The following HEMK2 variants were observed in gnomAD, a reference collection of about 807,000 sequenced individuals.
The protein encoded by HEMK2 is methyltransferase HEMK2.
the HEMK2 span, among the ~76,000 whole-genome samples, chr21:28,630,984 T>A: frequency 1.3e-5 from 2 of 152,162 alleles, no homozygotes; most frequent in Non-Finnish European, 2.9e-5. Flanking sequence ...CAGTTTTTTA[T>A]GTAGGTTTAA....
At chr21:28,606,288 A>AAAG in the HEMK2 span, among the ~76,000 whole-genome samples, 1 of 152,204 alleles carries the variant, frequency 6.6e-6, no homozygotes, top group Non-Finnish European at 1.5e-5. Flanking sequence ...TAGTTCTCTA[A>AAAG]GTTACCAAAA....
chr21:28,881,538 A>G, the HEMK2 span, among the ~76,000 whole-genome samples: 3 of 152,186 alleles, frequency 2.0e-5, no homozygotes, highest in African/African-American at 7.2e-5. Context: ...GCCTAGGAAT[A>G]GAGCCACCAG....
At chr21:28,610,117 T>A in the HEMK2 span, among the ~76,000 whole-genome samples, 4 of 152,256 alleles carry the variant, frequency 2.6e-5, no homozygotes, top group South Asian at 8.3e-4. Flanking sequence ...AGGTTGTTTA[T>A]AGTCACGACA....
the HEMK2 span, among the ~76,000 whole-genome samples, chr21:28,831,654 A>AGAAGGAAG: frequency 4.3e-4 from 17 of 39,914 alleles, no homozygotes; most frequent in Non-Finnish European, 5.5e-4. Flanking sequence ...AAAGAAAGAA[A>AGAAGGAAG]GAAAGAAAGA....
At chr21:28,758,053 G>T in the HEMK2 span, among the ~76,000 whole-genome samples, 1 of 152,154 alleles carries the variant, frequency 6.6e-6, no homozygotes, top group African/African-American at 2.4e-5. Context: ...AGGGGCAGAG[G>T]ATGTATAACG....
chr21:28,656,951 T>C, the HEMK2 span, among the ~76,000 whole-genome samples: 1 of 152,244 alleles, frequency 6.6e-6, no homozygotes, highest in East Asian at 1.9e-4. Context: ...ACATTTACAA[T>C]AATATTTGTG....
At chr21:28,838,972 A>AAAAAAATATATAT in the HEMK2 span, among the ~76,000 whole-genome samples, 6 of 29,148 alleles carry the variant, frequency 2.1e-4, no homozygotes, top group Non-Finnish European at 3.4e-4. Flanking sequence ...AAAAAAAAAA[A>AAAAAAATATATAT]ATATATATAT....
At chr21:28,856,850 G>T in the HEMK2 span, among the ~76,000 whole-genome samples, 2 of 152,230 alleles carry the variant, frequency 1.3e-5, no homozygotes, top group Admixed American at 1.3e-4. Flanking sequence ...GCACTGAGCT[G>T]TGCGGACTCC....
the HEMK2 span, among the ~76,000 whole-genome samples, chr21:28,696,985 A>G: frequency 0.56 from 85,348 of 152,048 alleles, 26,853 homozygotes; most frequent in East Asian, 0.84. Context: ...ACAGCAGGGG[A>G]GCCCTGGACC....
chr21:28,621,459 G>A, the HEMK2 span, among the ~76,000 whole-genome samples: 17 of 152,244 alleles, frequency 1.1e-4, no homozygotes, highest in East Asian at 1.9e-4. Context: ...CAGTTATCTC[G>A]TCTTGTTGCT....
At chr21:28,869,326 A>G in the HEMK2 span, among the ~76,000 whole-genome samples, 1 of 152,162 alleles carries the variant, frequency 6.6e-6, no homozygotes, top group East Asian at 1.9e-4. Context: ...ACTTGGTCAC[A>G]GTGTATCATC....
At chr21:28,876,317 G>C in the HEMK2 span, 13 of 1,081,038 alleles carry the variant, frequency 1.2e-5, no homozygotes, top group African/African-American at 1.6e-5. Flanking sequence ...GTTACCTAAT[G>C]AATGACTTCA....
the HEMK2 span, among the ~76,000 whole-genome samples, chr21:28,696,759 C>A: frequency 6.6e-6 from 1 of 152,250 alleles, no homozygotes; most frequent in South Asian, 2.1e-4. Flanking sequence ...ACCTAGACAT[C>A]CAGGAATTTC....
the HEMK2 span, among the ~76,000 whole-genome samples, chr21:28,822,890 C>G: frequency 6.6e-6 from 1 of 152,014 alleles, no homozygotes; most frequent in African/African-American, 2.4e-5. Flanking sequence ...TTCCATTCAC[C>G]CCTTCTAATG....
the HEMK2 span, among the ~76,000 whole-genome samples, chr21:28,773,585 GTAC>G: frequency 6.6e-6 from 1 of 152,158 alleles, no homozygotes; most frequent in Non-Finnish European, 1.5e-5. Flanking sequence ...AGAGAAACAG[GTAC>G]TCTCCTAGTA....
the HEMK2 span, among the ~76,000 whole-genome samples, chr21:28,647,321 T>TAAAAAAAAAAAAAAAAA: frequency 2.2e-5 from 1 of 46,442 alleles, no homozygotes; most frequent in Non-Finnish European, 3.8e-5. Flanking sequence ...CCATCTCTAC[T>TAAAAAAAAAAAAAAAAA]AAAAAAAAAA....
At chr21:28,644,105 G>T in the HEMK2 span, among the ~76,000 whole-genome samples, 1 of 152,120 alleles carries the variant, frequency 6.6e-6, no homozygotes, top group Non-Finnish European at 1.5e-5. Context: ...CCCAAGACTG[G>T]GTAATTTATA....
the HEMK2 span, among the ~76,000 whole-genome samples, chr21:28,772,735 C>A: frequency 6.6e-6 from 1 of 152,158 alleles, no homozygotes; most frequent in Non-Finnish European, 1.5e-5. Context: ...TTAATCTGTT[C>A]CTGACTCCCA....
chr21:28,795,495 G>T, the HEMK2 span, among the ~76,000 whole-genome samples: 2 of 152,188 alleles, frequency 1.3e-5, no homozygotes, highest in Non-Finnish European at 2.9e-5. Context: ...AAGGAACCTT[G>T]TCTCTTCATC....
Sources: gnomAD v4.1 joint callset for allele counts (sites outside exome capture counted in the v4.1 genomes callset) on GRCh38, gnomAD v4.1.1 for gene constraint, MANE v1.5 for transcripts, NCBI Gene and HGNC (gene_info 2026-07-23, HGNC 2026-07-21) for gene names.